MACROD2: variants seen among roughly 807,000 people sequenced by gnomAD.
MACROD2 encodes ADP-ribose glycohydrolase MACROD2.
In MACROD2, 36 loss-of-function variants were observed where a neutral mutation model predicts 70.4. That is an observed-to-expected ratio of 0.51 (90% confidence interval 0.39 to 0.68). The LOEUF is 0.68. Among genes scored for constraint, MACROD2 ranks in the 30% least tolerant of loss-of-function variants. The pLI is 0.00. For missense variants in MACROD2, 496 were observed against 538.4 expected (o/e 0.92, Z 0.78); for synonymous variants, 172 against 178.8 (o/e 0.96, Z 0.30).
At chr20:15,717,789 C>A (rs1037251617) in intron 8 of MACROD2, among the ~76,000 whole-genome samples, 4 of 152,014 alleles carry the variant, frequency 2.6e-5, no homozygotes, top group Non-Finnish European at 5.9e-5. Flanking sequence ...GAGCCTGATT[C>A]GAGTGTGTTC....
chr20:14,021,714 C>T (rs936245562), intron 2 of MACROD2, among the ~76,000 whole-genome samples: 6 of 152,120 alleles, frequency 3.9e-5, no homozygotes, highest in African/African-American at 1.4e-4. Flanking sequence ...ATAACAAACC[C>T]TCAAGTTAAG....
intron 3 of MACROD2, among the ~76,000 whole-genome samples, chr20:14,275,991 G>A (rs1410265370): frequency 2.0e-5 from 3 of 152,222 alleles, no homozygotes; most frequent in East Asian, 1.9e-4. Flanking sequence ...GTGCTGGAGA[G>A]GATGTGGAGA....
At chr20:15,194,135 A>G (rs982505975) in intron 5 of MACROD2, among the ~76,000 whole-genome samples, 1 of 147,244 alleles carries the variant, frequency 6.8e-6, no homozygotes. Context: ...AATCCCTGCT[A>G]CTTGGGAGGC....
At chr20:15,627,194 G>A (rs972195368) in intron 8 of MACROD2, among the ~76,000 whole-genome samples, 1 of 143,548 alleles carries the variant, frequency 7.0e-6, no homozygotes, top group Non-Finnish European at 1.5e-5. Flanking sequence ...GAAACCTATG[G>A]TACCAGCAGG....
At chr20:14,458,414 G>A (rs1413267312) in intron 3 of MACROD2, among the ~76,000 whole-genome samples, 2 of 152,186 alleles carry the variant, frequency 1.3e-5, no homozygotes, top group East Asian at 3.9e-4. Flanking sequence ...ATTACATTGA[G>A]GCCCACAGTT....
Position 14,846,318 on chromosome 20 carries a change from C to T in MACROD2, c.418+161359C>T, listed in dbSNP as rs553303780. Among the ~76,000 whole-genome samples, 3 of 152,164 alleles carry T rather than the reference C, an allele frequency of 2.0e-5. No individual in the cohort carries two copies. In the East Asian group the frequency reaches 5.8e-4, roughly 29 times the overall value. On this transcript the variant is annotated intron_variant, in intron 5 of 17. Transcript: ENST00000684519. The stretch of plus-strand genomic sequence containing the variant: ...GGCTCACTGCAACCTCCACCTCCTG[C>T]ATTCAAGTGATTCTCATGCCTCAGC...
At chr20:15,971,255 G>A (rs760126425) in intron 13 of MACROD2, among the ~76,000 whole-genome samples, 11 of 152,138 alleles carry the variant, frequency 7.2e-5, no homozygotes, top group Non-Finnish European at 2.9e-5. Context: ...TGGTTTGGCT[G>A]TGTCCCCACC....
intron 5 of MACROD2, among the ~76,000 whole-genome samples, chr20:15,096,978 AT>A (rs1273408714): frequency 6.6e-6 from 1 of 151,350 alleles, no homozygotes; most frequent in African/African-American, 2.4e-5. Flanking sequence ...CGCCCAGTTA[AT>A]TTTTGCATTT....
intron 4 of MACROD2, among the ~76,000 whole-genome samples, chr20:14,542,290 A>C (rs889018230): frequency 5.9e-5 from 9 of 152,234 alleles, no homozygotes; most frequent in Non-Finnish European, 1.0e-4. Context: ...GCATCACTTC[A>C]TGTGCTGCTC....
chr20:14,901,698 A>C (rs2073896457), intron 5 of MACROD2, among the ~76,000 whole-genome samples: 1 of 152,228 alleles, frequency 6.6e-6, no homozygotes, highest in African/African-American at 2.4e-5. Flanking sequence ...AATCGGCATC[A>C]TAATTATTTT....
intron 5 of MACROD2, among the ~76,000 whole-genome samples, chr20:14,774,207 A>G (rs981378160): frequency 1.3e-5 from 2 of 152,006 alleles, no homozygotes; most frequent in African/African-American, 4.8e-5. Context: ...TTATATGTAT[A>G]TGCTTTTTAG....
intron 5 of MACROD2, among the ~76,000 whole-genome samples, chr20:14,915,381 G>A (rs1008998424): frequency 6.6e-6 from 1 of 152,180 alleles, no homozygotes; most frequent in Non-Finnish European, 1.5e-5. Flanking sequence ...GTGGGAAGAA[G>A]TTCAAGGAAC....
chr20:14,989,059 C>A (rs2074876224), intron 5 of MACROD2, among the ~76,000 whole-genome samples: 1 of 151,918 alleles, frequency 6.6e-6, no homozygotes, highest in Non-Finnish European at 1.5e-5. Context: ...GAATACAAAG[C>A]AGTATCAAGA....
At chr20:14,053,937 G>T (rs1290694589) in intron 2 of MACROD2, among the ~76,000 whole-genome samples, 1 of 151,902 alleles carries the variant, frequency 6.6e-6, no homozygotes, top group Admixed American at 6.6e-5. Flanking sequence ...TGTTGAGCTT[G>T]GTGTTGGTAT....
At chr20:16,033,807 A>G (rs1301195855) in intron 15 of MACROD2, among the ~76,000 whole-genome samples, 1 of 150,526 alleles carries the variant, frequency 6.6e-6, no homozygotes, top group Admixed American at 6.7e-5. Context: ...TCTGAGAAAG[A>G]TAGCCAGAAG....
chr20:14,139,196 T>C (rs923304859), intron 3 of MACROD2, among the ~76,000 whole-genome samples: 3 of 152,074 alleles, frequency 2.0e-5, no homozygotes, highest in Non-Finnish European at 4.4e-5. Context: ...AGTTTGGCAT[T>C]ATACATAGTC....
intron 8 of MACROD2, among the ~76,000 whole-genome samples, chr20:15,714,517 A>G (rs890639416): frequency 1.6e-4 from 25 of 152,286 alleles, no homozygotes; most frequent in African/African-American, 5.8e-4. Context: ...AAGTTGGGGG[A>G]TGGTAAGACA....
At chr20:16,024,006 T>G (rs2067041444) in intron 15 of MACROD2, among the ~76,000 whole-genome samples, 1 of 152,180 alleles carries the variant, frequency 6.6e-6, no homozygotes, top group African/African-American at 2.4e-5. Context: ...CCCCTGCAGC[T>G]GCAGTGGAGC....
chr20:14,455,411 A>G (rs1270837287), intron 3 of MACROD2, among the ~76,000 whole-genome samples: 1 of 151,906 alleles, frequency 6.6e-6, no homozygotes, highest in Admixed American at 6.5e-5. Context: ...ACAGGCTTTG[A>G]TCAACGAAAG....
Sources: gnomAD v4.1 joint callset for allele counts (sites outside exome capture counted in the v4.1 genomes callset) on GRCh38, gnomAD v4.1.1 for gene constraint, MANE v1.5 for transcripts, NCBI Gene and HGNC (gene_info 2026-07-23, HGNC 2026-07-21) for gene names.